DLC1: variants seen among roughly 807,000 people sequenced by gnomAD.
DLC1 encodes rho GTPase-activating protein 7.
In DLC1, 54 loss-of-function variants were observed where a neutral mutation model predicts 140.3. The observed-to-expected ratio is 0.38, with a 90% CI of 0.31 to 0.48. DLC1 has a LOEUF of 0.48. DLC1 is among the 20% of genes least tolerant of loss of function. The pLI is 0.96. For missense variants in DLC1, 2,536 were observed against 1,907.0 expected (o/e 1.33, Z -6.14); for synonymous variants, 986 against 728.1 (o/e 1.35, Z -5.70).
intron 2 of DLC1, among the ~76,000 whole-genome samples, chr8:13,439,564 T>G (rs2116914033): frequency 6.6e-6 from 1 of 152,312 alleles, no homozygotes; most frequent in East Asian, 1.9e-4. Flanking sequence ...GACCAATCCT[T>G]GTATTTTTCC....
At position 13,254,955 on chromosome 8, in the gene DLC1, T is replaced by C. The variant is rs1444509959; in HGVS notation, c.1348+50314A>G. Among the ~76,000 whole-genome samples the C allele has an allele frequency of 2.0e-5, 3 of 148,704 alleles. No individual in the cohort carries two copies. In the Admixed American group the frequency reaches 2.1e-4, roughly 10 times the overall value. On this transcript the variant is annotated intron_variant, in intron 5 of 17. Coordinates refer to ENST00000276297, the MANE Select transcript of DLC1 (RefSeq NM_182643.3). ...TTACTATATGATCTTGGAAGAGTTA[T>C]TTAAAGTACTCTTTTTTTTTCTTTT... is the stretch of plus-strand genomic sequence containing the variant.
chr8:13,397,888 T>A (rs1253884643), intron 3 of DLC1, among the ~76,000 whole-genome samples: 1 of 151,364 alleles, frequency 6.6e-6, no homozygotes, highest in Admixed American at 6.6e-5. Context: ...ATCCCAGCAC[T>A]TCTGGAGGCC....
At chr8:13,567,183 G>C (rs1246494419) in intron 1 of DLC1, 1 of 1,551,788 alleles carries the variant, frequency 6.4e-7, no homozygotes, top group Admixed American at 2.0e-5. Context: ...CTCCAAGCTT[G>C]GAACAAGGAG....
At chr8:13,160,887 A>G (rs555456958) in intron 5 of DLC1, among the ~76,000 whole-genome samples, 3 of 152,230 alleles carry the variant, frequency 2.0e-5, no homozygotes, top group Non-Finnish European at 4.4e-5. Flanking sequence ...GGAGATTGAG[A>G]CCATCATGGC....
intron 4 of DLC1, among the ~76,000 whole-genome samples, chr8:13,343,126 C>T (rs1433713697): frequency 6.6e-6 from 1 of 152,142 alleles, no homozygotes; most frequent in African/African-American, 2.4e-5. Flanking sequence ...CTTGTGACTT[C>T]TATAATTTCT....
chr8:13,595,353 A>G (rs1805648868), intron 1 of DLC1, among the ~76,000 whole-genome samples: 2 of 152,082 alleles, frequency 1.3e-5, no homozygotes, highest in South Asian at 2.1e-4. Flanking sequence ...TCTTACCAAC[A>G]TCAGTGAGTG....
intron 5 of DLC1, among the ~76,000 whole-genome samples, chr8:13,146,070 C>G (rs118138275): frequency 6.6e-6 from 1 of 151,842 alleles, no homozygotes; most frequent in African/African-American, 2.4e-5. Context: ...CAAGGTAGAT[C>G]GAGACCAGCC....
At chr8:13,379,927 T>C (rs1004843328) in intron 4 of DLC1, among the ~76,000 whole-genome samples, 1 of 152,176 alleles carries the variant, frequency 6.6e-6, no homozygotes, top group Non-Finnish European at 1.5e-5. Flanking sequence ...TTCTCACTCA[T>C]ATGTGGGAGC....
upstream of DLC1, among the ~76,000 whole-genome samples, chr8:13,518,190 C>A (rs1273199025): frequency 2.0e-5 from 3 of 150,720 alleles, no homozygotes; most frequent in Non-Finnish European, 4.4e-5. Context: ...CTCAAGGCAA[C>A]CTCCGCCTCC....
At chr8:13,425,729 C>G (rs1838543932) in intron 2 of DLC1, among the ~76,000 whole-genome samples, 1 of 152,062 alleles carries the variant, frequency 6.6e-6, no homozygotes, top group South Asian at 2.1e-4. Flanking sequence ...TAAAGCAAAA[C>G]CAACTTCCTC....
At chr8:13,231,106 C>T (rs734337) in intron 5 of DLC1, among the ~76,000 whole-genome samples, 108,723 of 151,892 alleles carry the variant, frequency 0.72, 39,401 homozygotes, top group East Asian at 0.92. Context: ...AAAGTGGGGC[C>T]TGGTCTGTTG....
At chr8:13,155,463 A>C (rs1824185254) in intron 5 of DLC1, among the ~76,000 whole-genome samples, 1 of 152,122 alleles carries the variant, frequency 6.6e-6, no homozygotes. Flanking sequence ...TTTAGGCTAA[A>C]ACAATAATTT....
chr8:13,274,321 C>G (rs753291355), intron 5 of DLC1, among the ~76,000 whole-genome samples: 2 of 152,164 alleles, frequency 1.3e-5, no homozygotes, highest in East Asian at 3.9e-4. Flanking sequence ...CCCCCAAAAT[C>G]AAAGTCAGTT....
chr8:13,381,661 G>A (rs1836267952), intron 4 of DLC1, among the ~76,000 whole-genome samples: 1 of 152,120 alleles, frequency 6.6e-6, no homozygotes, highest in Admixed American at 6.6e-5. Flanking sequence ...AACCACATGA[G>A]TATACTGTTT....
intron 2 of DLC1, among the ~76,000 whole-genome samples, chr8:13,495,820 G>C (rs995507623): frequency 6.6e-6 from 1 of 152,134 alleles, no homozygotes; most frequent in Non-Finnish European, 1.5e-5. Flanking sequence ...GATATCTCTA[G>C]AGCACTATTT....
chr8:13,467,003 C>T (rs1416387054), intron 2 of DLC1, among the ~76,000 whole-genome samples: 1 of 151,622 alleles, frequency 6.6e-6, no homozygotes, highest in Non-Finnish European at 1.5e-5. Flanking sequence ...ACATATCCCT[C>T]TACTTATTTT....
intron 5 of DLC1, among the ~76,000 whole-genome samples, chr8:13,206,830 A>G (rs892354002): frequency 6.6e-6 from 1 of 152,148 alleles, no homozygotes; most frequent in African/African-American, 2.4e-5. Flanking sequence ...TCTCAGAGCA[A>G]AGAACTCGAA....
intron 5 of DLC1, among the ~76,000 whole-genome samples, chr8:13,237,718 C>G (rs556567293): frequency 1.9e-4 from 29 of 152,046 alleles, no homozygotes; most frequent in African/African-American, 7.0e-4. Flanking sequence ...TATGCTATTC[C>G]GGGAGATGGT....
At position 13,276,686 on chromosome 8, in the gene DLC1, A is replaced by G. The variant is rs113050343; in HGVS notation, c.1348+28583T>C. 3,032 of 904,560 alleles carry G rather than the reference A, an allele frequency of 3.4e-3. 38 individuals are homozygous for G. The African/African-American group carries it at 0.037, about 11-fold the overall frequency. The allele number at this position is 904,560 out of a possible 1,614,324, so 56.0% of individuals were successfully genotyped here. On this transcript the variant is annotated intron_variant, in intron 5 of 17. Coordinates refer to ENST00000276297, the MANE Select transcript of DLC1 (RefSeq NM_182643.3). Reference sequence around the variant, plus strand: ...GGCGTCTCGCTTCCTGTGCAACCCAATGACTCACCTGGGTCCGCGCCGGGC... The same window carrying G: ...GGCGTCTCGCTTCCTGTGCAACCCAGTGACTCACCTGGGTCCGCGCCGGGC...
Sources: gnomAD v4.1 joint callset for allele counts (sites outside exome capture counted in the v4.1 genomes callset) on GRCh38, gnomAD v4.1.1 for gene constraint, MANE v1.5 for transcripts, NCBI Gene and HGNC (gene_info 2026-07-23, HGNC 2026-07-21) for gene names.